The following GLCCI1 variants were observed in gnomAD, a reference collection of about 807,000 sequenced individuals.
GLCCI1 encodes the protein glucocorticoid-induced transcript 1 protein.
Under a neutral mutation model 52.2 loss-of-function variants are expected in GLCCI1, and 24 were observed. The observed-to-expected ratio is 0.46, with a 90% CI of 0.33 to 0.65. The LOEUF is 0.65. Among genes scored for constraint, GLCCI1 ranks in the 30% least tolerant of loss-of-function variants. The pLI is 0.02. For missense variants in GLCCI1, 704 were observed against 701.5 expected (o/e 1.00, Z -0.04); for synonymous variants, 310 against 276.5 (o/e 1.12, Z -1.20).
intron 6 of GLCCI1, among the ~76,000 whole-genome samples, chr7:8,081,971 T>C (rs11536480): frequency 0.013 from 1,906 of 152,312 alleles, 102 homozygotes; most frequent in East Asian, 0.1. Context: ...AAGTAACATT[T>C]AACCTAATCT....
chr7:8,044,441 T>C (rs901023920), intron 3 of GLCCI1, among the ~76,000 whole-genome samples: 3 of 151,650 alleles, frequency 2.0e-5, no homozygotes, highest in Admixed American at 6.6e-5. Flanking sequence ...TGATGTCGGC[T>C]CACTGCGGCC....
chr7:8,031,024 A>G (rs1320076894), intron 3 of GLCCI1, among the ~76,000 whole-genome samples: 1 of 152,136 alleles, frequency 6.6e-6, no homozygotes, highest in Admixed American at 6.6e-5. Flanking sequence ...TGATCCAGCA[A>G]TCCTACTGCT....
chr7:7,988,919 A>C (rs62433384), intron 1 of GLCCI1, among the ~76,000 whole-genome samples: 7,515 of 152,136 alleles, frequency 0.049, 314 homozygotes, highest in East Asian at 0.19. Flanking sequence ...CTAAATGATA[A>C]AGAACACTTT....
chr7:8,035,490 G>A (rs144387168), intron 3 of GLCCI1, among the ~76,000 whole-genome samples: 1 of 152,278 alleles, frequency 6.6e-6, no homozygotes, highest in Non-Finnish European at 1.5e-5. Flanking sequence ...GGCTGTGTCC[G>A]CACTGATAAT....
chr7:8,055,578 T>A (rs1161674328), intron 4 of GLCCI1, 29 bp downstream of exon 4: 12 of 1,283,874 alleles, frequency 9.3e-6, no homozygotes, highest in African/African-American at 1.5e-5. Flanking sequence ...CAGATTTGAA[T>A]AATTACTTTT....
intron 1 of GLCCI1, among the ~76,000 whole-genome samples, chr7:7,976,512 G>GAAAAAAAAAAA: frequency 7.9e-6 from 1 of 126,580 alleles, no homozygotes; most frequent in African/African-American, 3.4e-5. Flanking sequence ...AAGGAAAAAG[G>GAAAAAAAAAAA]AAAGGAGAAA....
At chr7:8,011,863 A>G (rs1781268804) in intron 2 of GLCCI1, among the ~76,000 whole-genome samples, 1 of 151,658 alleles carries the variant, frequency 6.6e-6, no homozygotes, top group South Asian at 2.1e-4. Flanking sequence ...TCGCCCAGGC[A>G]GGAATGCAGT....
At chr7:8,051,047 A>G (rs774384713) in intron 3 of GLCCI1, among the ~76,000 whole-genome samples, 2 of 152,212 alleles carry the variant, frequency 1.3e-5, no homozygotes, top group Non-Finnish European at 2.9e-5. Flanking sequence ...AAACTGGCCT[A>G]TAATTACTCT....
chr7:8,086,301 C>T lies in GLCCI1; in HGVS notation c.1407C>T (p.Leu469=). 2 of 1,614,118 alleles carry T rather than the reference C, an allele frequency of 1.2e-6. No individual in the cohort carries two copies. Among genetic ancestry groups the T allele is most frequent in the Non-Finnish European group, 1.7e-6 (2 of 1,179,948 alleles). ...GTCCTGTAAAACTTCTAGGCCCCCT[C>T]TTACCTGCTTCTGACCTTATGCTCA... ...AFCPVKLLGP[L]LPASDLMLKN... Residue 469 remains leucine, a synonymous_variant, in exon 8 of 8, where the codon CTC becomes CTT. Coordinates refer to ENST00000223145, the MANE Select transcript of GLCCI1 (RefSeq NM_138426.4). The surrounding 1 kb of genome is among the most constrained non-coding windows in gnomAD (Gnocchi z 4.4).
chr7:8,061,099 A>T (rs12702691), intron 5 of GLCCI1, among the ~76,000 whole-genome samples: 1 of 149,672 alleles, frequency 6.7e-6, no homozygotes. Context: ...TGTGCTAGTG[A>T]TCTTTTTTTT....
intron 6 of GLCCI1, among the ~76,000 whole-genome samples, chr7:8,080,290 T>C (rs985300369): frequency 1.3e-5 from 2 of 151,578 alleles, no homozygotes; most frequent in Non-Finnish European, 2.9e-5. Context: ...TTTAATTCTC[T>C]TGGCCAATTT....
chr7:7,996,223 T>C (rs1010981772), intron 1 of GLCCI1, among the ~76,000 whole-genome samples: 5 of 152,220 alleles, frequency 3.3e-5, no homozygotes, highest in Non-Finnish European at 7.3e-5. Context: ...ATTACTTCTT[T>C]AGTATATGAA....
chr7:7,999,364 T>C (rs1236219003), intron 1 of GLCCI1, among the ~76,000 whole-genome samples: 1 of 152,174 alleles, frequency 6.6e-6, no homozygotes, highest in Non-Finnish European at 1.5e-5. Context: ...TCTCAGTGCT[T>C]TGGGAGCCTA....
intron 1 of GLCCI1, among the ~76,000 whole-genome samples, chr7:7,997,744 A>G (rs1024284554): frequency 6.6e-6 from 1 of 152,126 alleles, no homozygotes; most frequent in African/African-American, 2.4e-5. Flanking sequence ...CCTGGCCAAC[A>G]TAGTGAAACC....
intron 1 of GLCCI1, among the ~76,000 whole-genome samples, chr7:8,000,318 A>G (rs933159651): frequency 3.9e-5 from 6 of 152,194 alleles, no homozygotes. Context: ...AAAAATATTC[A>G]AAAAGTTAAT....
chr7:7,976,903 T>TA (rs925669953), intron 1 of GLCCI1, among the ~76,000 whole-genome samples: 6 of 148,868 alleles, frequency 4.0e-5, no homozygotes, highest in African/African-American at 1.5e-4. Flanking sequence ...GCCTGGGTGC[T>TA]AGAGTGGGGT....
intron 3 of GLCCI1, among the ~76,000 whole-genome samples, chr7:8,025,235 A>T (rs984311512): frequency 2.6e-5 from 4 of 152,110 alleles, no homozygotes; most frequent in African/African-American, 9.7e-5. Context: ...GTGCAGATGA[A>T]ATTCAAGTGG....
chr7:8,022,813 G>A (rs959949100), intron 3 of GLCCI1: 7 of 209,372 alleles, frequency 3.3e-5, no homozygotes, highest in Admixed American at 5.8e-5. Flanking sequence ...CCCTATTTGT[G>A]TATTTTGCGT....
intron 1 of GLCCI1, among the ~76,000 whole-genome samples, chr7:8,000,796 C>T (rs1329204513): frequency 1.3e-5 from 2 of 152,092 alleles, no homozygotes; most frequent in African/African-American, 2.4e-5. Flanking sequence ...TATGTAATGG[C>T]CTTCTTTGTC....
Sources: gnomAD v4.1 joint callset for allele counts (sites outside exome capture counted in the v4.1 genomes callset) on GRCh38, gnomAD v4.1.1 for gene constraint, Gnocchi (gnomAD v3.1) non-coding constraint, MANE v1.5 for transcripts, NCBI Gene and HGNC (gene_info 2026-07-23, HGNC 2026-07-21) for gene names.